The following PCLO variants were observed in gnomAD, a reference collection of about 807,000 sequenced individuals.
The protein encoded by PCLO is piccolo presynaptic cytomatrix protein.
A neutral mutation model predicts 427.5 loss-of-function variants in PCLO; 82 were observed. The ratio of observed to expected loss-of-function variants is 0.19; its 90% CI spans 0.16 to 0.23. The LOEUF (loss-of-function observed/expected upper bound fraction) is 0.23. PCLO is among the 10% of genes least tolerant of loss of function. The pLI, the probability that PCLO is intolerant of heterozygous loss-of-function variation, is 1.00. For synonymous variants in PCLO, 2,357 were observed against 2,155.4 expected (o/e 1.09, Z -2.59); for missense variants, 6,239 against 6,115.9 (o/e 1.02, Z -0.67).
intron 6 of PCLO, among the ~76,000 whole-genome samples, chr7:82,927,793 T>C (rs1375377559): frequency 1.3e-5 from 2 of 152,172 alleles, no homozygotes; most frequent in African/African-American, 4.8e-5. Flanking sequence ...AAATATATAT[T>C]TTCAACATAT....
At chr7:82,759,905 T>A (rs1267642989) in intron 24 of PCLO, among the ~76,000 whole-genome samples, 1 of 151,996 alleles carries the variant, frequency 6.6e-6, no homozygotes, top group Non-Finnish European at 1.5e-5. Flanking sequence ...ATATTGTTGT[T>A]ACAAGACAGA....
chr7:82,921,283 AAAAC>A (rs149963889), intron 6 of PCLO, among the ~76,000 whole-genome samples: 2,131 of 151,872 alleles, frequency 0.014, 24 homozygotes, highest in African/African-American at 0.026. Flanking sequence ...ATCCTAAGCA[AAAAC>A]AAACAAACAA....
chr7:82,909,330 G>C (rs1198320965), intron 7 of PCLO, among the ~76,000 whole-genome samples: 2 of 152,076 alleles, frequency 1.3e-5, no homozygotes, highest in South Asian at 2.1e-4. Context: ...AAATGATCAA[G>C]TGGTCATTCT....
Position 82,754,907 on chromosome 7 carries a change from T to G in PCLO, c.*3668A>C, listed in dbSNP as rs1201339461. On this transcript the variant is annotated 3_prime_UTR_variant, in exon 25 of 25. Coordinates refer to ENST00000333891, the MANE Select transcript of PCLO (RefSeq NM_033026.6). The stretch of plus-strand genomic sequence containing the variant: ...GCTGTAGTTGGCTGATTTTGGAATA[T>G]TTGACATTGTAGCAATGAAAATAAG... 6.6e-6 allele frequency: 1 copy of G among 152,118 alleles called. No individual in the cohort carries two copies. Among genetic ancestry groups the G allele is most frequent in the African/African-American group, 2.4e-5 (1 of 41,450 alleles). 9.4% of individuals were successfully genotyped at this position (152,118 alleles called of 1,614,324 possible).
chr7:82,952,983 G>C lies in PCLO; in HGVS notation c.7970C>G (p.Ser2657Cys). Residue 2657 changes from serine (S) to cysteine (C), a missense_variant, in exon 5 of 25, where the codon TCT becomes TGT. By Grantham distance (112) the Ser-to-Cys change is moderately radical. This residue lies in a region of PCLO where 4,677 missense variants were observed against 4,468.4 expected (regional missense o/e 1.05). Coordinates refer to ENST00000333891, the MANE Select transcript of PCLO (RefSeq NM_033026.6). Reference protein sequence around the residue: ...TFSATPVTAPSSFQAAPTSVT... With the variant: ...TFSATPVTAPCSFQAAPTSVT... ...TGATGTGGGAGCTGCTTGAAATGAA[G>C]AGGGTGCTGTGACAGGGGTAGCAGA... 1.9e-6 allele frequency: 3 copies of C among 1,613,924 alleles called. No homozygotes were observed. The highest frequency in any genetic ancestry group is 8.5e-7 in the Non-Finnish European group (1 of 1,179,858).
chr7:83,105,773 C>A (rs1388440194), intron 3 of PCLO, among the ~76,000 whole-genome samples: 1 of 152,162 alleles, frequency 6.6e-6, no homozygotes, highest in Non-Finnish European at 1.5e-5. Context: ...ACTAAGTGTG[C>A]CATGAACCAA....
chr7:83,054,240 T>C (rs927569638), intron 3 of PCLO, among the ~76,000 whole-genome samples: 3 of 152,068 alleles, frequency 2.0e-5, no homozygotes, highest in Non-Finnish European at 4.4e-5. Context: ...AGCTCTCTTA[T>C]GCAAAAAGAA....
chr7:83,023,359 G>A (rs756356447), intron 3 of PCLO, among the ~76,000 whole-genome samples: 19 of 152,032 alleles, frequency 1.2e-4, no homozygotes, highest in Non-Finnish European at 2.5e-4. Context: ...GAAACAATTC[G>A]AAATGAACAC....
chr7:82,887,096 C>T (rs973566809), intron 9 of PCLO, among the ~76,000 whole-genome samples: 1 of 152,252 alleles, frequency 6.6e-6, no homozygotes, highest in African/African-American at 2.4e-5. Context: ...GACACTATCC[C>T]GTAGCTTTTT....
At chr7:83,042,786 C>T (rs1407786155) in intron 3 of PCLO, among the ~76,000 whole-genome samples, 4 of 152,036 alleles carry the variant, frequency 2.6e-5, no homozygotes, top group Non-Finnish European at 4.4e-5. Flanking sequence ...TGCTTGAACC[C>T]GGGAGGCGGA....
intron 22 of PCLO, among the ~76,000 whole-genome samples, chr7:82,771,215 T>C (rs1331924102): frequency 6.6e-6 from 1 of 151,940 alleles, no homozygotes; most frequent in Non-Finnish European, 1.5e-5. Flanking sequence ...CTAGCTCCCT[T>C]ATTCAGATCC....
chr7:83,146,726 G>A (rs1434091289), intron 2 of PCLO, among the ~76,000 whole-genome samples: 2 of 151,780 alleles, frequency 1.3e-5, no homozygotes, highest in Non-Finnish European at 2.9e-5. Context: ...TCAGACTCCA[G>A]AGTAGCTGGG....
rs778366690 is a variant in PCLO, at chr7:82,926,612, C to T, written c.11113-9739G>A. On this transcript the variant is annotated intron_variant, in intron 6 of 24. Coordinates refer to ENST00000333891, the MANE Select transcript of PCLO (RefSeq NM_033026.6). ...GACATCTCTAAGCTTTTCCTTAATG[C>T]GCCTCTTGTCCCAGTTTGTTTTGTT... 3.2e-4 allele frequency among the ~76,000 whole-genome samples: 48 copies of T among 152,218 alleles called. 2 individuals are homozygous for T. The highest frequency in any genetic ancestry group is 6.2e-4 in the South Asian group (3 of 4,818).
chr7:82,775,794 T>A (rs1036388118), intron 22 of PCLO, among the ~76,000 whole-genome samples: 2 of 152,192 alleles, frequency 1.3e-5, no homozygotes, highest in African/African-American at 4.8e-5. Flanking sequence ...TGTCTAGATT[T>A]TCTCCTATGT....
chr7:83,138,598 T>C (rs908287293), intron 2 of PCLO, among the ~76,000 whole-genome samples: 1 of 151,416 alleles, frequency 6.6e-6, no homozygotes, highest in African/African-American at 2.4e-5. Context: ...GAGGTGGAGG[T>C]TGCATTGAGC....
At chr7:82,903,172 G>C (rs1372561053) in intron 8 of PCLO, among the ~76,000 whole-genome samples, 1 of 151,916 alleles carries the variant, frequency 6.6e-6, no homozygotes, top group Non-Finnish European at 1.5e-5. Context: ...AGAAAAAATA[G>C]AGAAGATCCC....
At chr7:83,023,720 G>A (rs151239615) in intron 3 of PCLO, among the ~76,000 whole-genome samples, 1 of 152,144 alleles carries the variant, frequency 6.6e-6, no homozygotes, top group Non-Finnish European at 1.5e-5. Context: ...GCTTACGATT[G>A]TTTCAGATAA....
chr7:83,018,535 G>C (rs1242362994), intron 3 of PCLO, among the ~76,000 whole-genome samples: 1 of 151,724 alleles, frequency 6.6e-6, no homozygotes, highest in African/African-American at 2.4e-5. Flanking sequence ...TTATATTTAG[G>C]CTAGAATACA....
At chr7:82,993,279 T>G (rs1212861662) in intron 3 of PCLO, among the ~76,000 whole-genome samples, 1 of 151,980 alleles carries the variant, frequency 6.6e-6, no homozygotes, top group Non-Finnish European at 1.5e-5. Flanking sequence ...TTCTATAGAA[T>G]ATAAAAAAGT....
Sources: gnomAD v4.1 joint callset for allele counts (sites outside exome capture counted in the v4.1 genomes callset) on GRCh38, gnomAD v4.1.1 for gene constraint, gnomAD v4.1.1 regional missense constraint, MANE v1.5 for transcripts, NCBI Gene and HGNC (gene_info 2026-07-23, HGNC 2026-07-21) for gene names.